Variants in AKAP6 observed in about 807,000 individuals in gnomAD.
AKAP6 encodes the protein A-kinase anchoring protein 6.
AKAP6 carries 58 observed loss-of-function variants against 188.5 expected under a neutral mutation model. The observed-to-expected ratio is 0.31, with a 90% CI of 0.25 to 0.38. AKAP6 has a LOEUF of 0.38. Among genes scored for constraint, AKAP6 ranks in the 10% least tolerant of loss-of-function variants. The pLI is 1.00. For missense variants in AKAP6, 2,710 were observed against 2,740.0 expected, an observed-to-expected ratio of 0.99 and a Z score of 0.24; for synonymous variants, 989 against 998.6, an observed-to-expected ratio of 0.99 and a Z score of 0.18.
intron 9 of AKAP6, chr14:32,718,324 G>A: frequency 3.0e-6 from 3 of 985,298 alleles, no homozygotes; most frequent in Non-Finnish European, 3.6e-6. Flanking sequence ...CAGCGTTTAA[G>A]CCTTAAAGCC....
At chr14:32,472,390 G>A (rs1005840583) in intron 2 of AKAP6, among the ~76,000 whole-genome samples, 2 of 152,078 alleles carry the variant, frequency 1.3e-5, no homozygotes, top group Non-Finnish European at 2.9e-5. Context: ...ATCATAAGGT[G>A]GGGTAGGAGG....
intron 7 of AKAP6, among the ~76,000 whole-genome samples, chr14:32,632,101 G>A (rs765584030): frequency 6.6e-6 from 1 of 151,882 alleles, no homozygotes; most frequent in Non-Finnish European, 1.5e-5. Flanking sequence ...TTTTAATGAG[G>A]GAGGTTAGGA....
At chr14:32,783,724 C>T (rs2033320668) in intron 12 of AKAP6, among the ~76,000 whole-genome samples, 2 of 152,084 alleles carry the variant, frequency 1.3e-5, no homozygotes, top group South Asian at 2.1e-4. Flanking sequence ...CCATTATCCT[C>T]TATTTTACAG....
chr14:32,477,158 A>G (rs796258055), intron 2 of AKAP6, among the ~76,000 whole-genome samples: 15 of 152,306 alleles, frequency 9.8e-5, no homozygotes, highest in African/African-American at 2.9e-4. Context: ...TGAGGTCTAC[A>G]TGCCAGTGGA....
chr14:32,775,938 A>C (rs2033046653), intron 12 of AKAP6, among the ~76,000 whole-genome samples: 1 of 152,236 alleles, frequency 6.6e-6, no homozygotes, highest in Non-Finnish European at 1.5e-5. Context: ...AATCTCTGTC[A>C]GAAAAGGAAT....
chr14:32,640,706 T>C (rs574275070), intron 7 of AKAP6, among the ~76,000 whole-genome samples: 1 of 152,082 alleles, frequency 6.6e-6, no homozygotes, highest in South Asian at 2.1e-4. Flanking sequence ...GTACCTCCAG[T>C]AGTATATTCT....
In AKAP6 at chr14:32,500,732, T is replaced by C. The variant is rs558963777; in HGVS notation, c.325-34822T>C. 2.6e-5 allele frequency among the ~76,000 whole-genome samples: 4 copies of C among 152,330 alleles called. 1 individual carries two copies. In the South Asian group the frequency reaches 8.3e-4, roughly 32 times the overall value. ...GCTGTGTATTCTTGACTGATCTTTGTGTCTCCCAACCTTTTCTCTTTTTCT... is the reference window on the plus strand; with the variant it reads ...GCTGTGTATTCTTGACTGATCTTTGCGTCTCCCAACCTTTTCTCTTTTTCT... On this transcript the variant is annotated intron_variant, in intron 2 of 13. Coordinates refer to ENST00000280979, the MANE Select transcript of AKAP6 (RefSeq NM_004274.5).
At chr14:32,610,367 T>C (rs528364237) in intron 7 of AKAP6, among the ~76,000 whole-genome samples, 1 of 152,358 alleles carries the variant, frequency 6.6e-6, no homozygotes, top group South Asian at 2.1e-4. Context: ...TCCTTTTCTT[T>C]GTTCTTTGCT....
intron 8 of AKAP6, among the ~76,000 whole-genome samples, chr14:32,680,835 C>G (rs1252858143): frequency 6.6e-6 from 1 of 152,130 alleles, no homozygotes; most frequent in Non-Finnish European, 1.5e-5. Context: ...ATATAGTATA[C>G]AACTATGAAT....
At chr14:32,640,847 C>T (rs764163356) in intron 7 of AKAP6, among the ~76,000 whole-genome samples, 24 of 152,074 alleles carry the variant, frequency 1.6e-4, no homozygotes, top group Non-Finnish European at 2.9e-4. Flanking sequence ...GACTCTGTTA[C>T]AGAAATATGC....
At chr14:32,731,327 G>A (rs1374410258) in intron 9 of AKAP6, among the ~76,000 whole-genome samples, 4 of 151,858 alleles carry the variant, frequency 2.6e-5, no homozygotes, top group Non-Finnish European at 5.9e-5. Flanking sequence ...TTTTTGTTTG[G>A]GATCTTATAT....
chr14:32,675,700 T>G (rs917438189), intron 7 of AKAP6, among the ~76,000 whole-genome samples: 4 of 152,232 alleles, frequency 2.6e-5, no homozygotes, highest in African/African-American at 9.6e-5. Flanking sequence ...ATTCATCTCC[T>G]TGTTAGTGCA....
chr14:32,492,489 A>G (rs1880091730), intron 2 of AKAP6, among the ~76,000 whole-genome samples: 1 of 151,848 alleles, frequency 6.6e-6, no homozygotes, highest in Admixed American at 6.6e-5. Context: ...TCTTAGGAAT[A>G]TGTTTCAAAT....
In AKAP6 at chr14:32,836,545, A is replaced by T. The variant is rs935917239; in HGVS notation, c.*6740A>T. 1 of 152,146 alleles carries T rather than the reference A, an allele frequency of 6.6e-6. No homozygotes were observed. The highest frequency in any genetic ancestry group is 1.5e-5 in the Non-Finnish European group (1 of 68,036). 9.4% of individuals were successfully genotyped at this position (152,146 alleles called of 1,614,324 possible). A position where few individuals can be genotyped will look rare whatever the true frequency, so the allele number is the denominator to read the frequency against. On this transcript the variant is annotated 3_prime_UTR_variant, in exon 14 of 14. Transcript: ENST00000280979. ...TGCCAAACATTAGTAAACAATTTCCAGTGAATACTCTGCCCCATTCTCTCC... is the reference window on the plus strand; with the variant it reads ...TGCCAAACATTAGTAAACAATTTCCTGTGAATACTCTGCCCCATTCTCTCC...
At chr14:32,622,806 G>A (rs1412992729) in intron 7 of AKAP6, among the ~76,000 whole-genome samples, 4 of 152,092 alleles carry the variant, frequency 2.6e-5, no homozygotes, top group Admixed American at 2.0e-4. Flanking sequence ...GAGGATCATA[G>A]CACCCAAGGT....
intron 9 of AKAP6, among the ~76,000 whole-genome samples, chr14:32,730,125 T>A (rs1566671996): frequency 6.6e-6 from 1 of 152,176 alleles, no homozygotes; most frequent in African/African-American, 2.4e-5. Flanking sequence ...CATATTAGAT[T>A]TAACCTTCAA....
intron 2 of AKAP6, among the ~76,000 whole-genome samples, chr14:32,472,523 G>A (rs1478796008): frequency 6.6e-6 from 1 of 152,272 alleles, no homozygotes; most frequent in East Asian, 1.9e-4. Context: ...TAGGAGAGGC[G>A]ATATTACAGC....
intron 12 of AKAP6, among the ~76,000 whole-genome samples, chr14:32,804,372 G>A (rs553084657): frequency 2.6e-5 from 4 of 152,330 alleles, no homozygotes; most frequent in East Asian, 1.9e-4. Context: ...CAGCTGGGCT[G>A]CTGGGGGTGA....
intron 2 of AKAP6, among the ~76,000 whole-genome samples, chr14:32,440,557 C>T (rs1311292639): frequency 1.3e-5 from 2 of 152,042 alleles, no homozygotes; most frequent in Non-Finnish European, 2.9e-5. Flanking sequence ...AACGCCATAA[C>T]AGTTTGATAG....
Sources: gnomAD v4.1 joint callset for allele counts (sites outside exome capture counted in the v4.1 genomes callset) on GRCh38, gnomAD v4.1.1 for gene constraint, MANE v1.5 for transcripts, NCBI Gene and HGNC (gene_info 2026-07-23, HGNC 2026-07-21) for gene names.